ARHGEF4: variants seen among roughly 807,000 people sequenced by gnomAD.
ARHGEF4 encodes APC-stimulated guanine nucleotide exchange factor 1.
A neutral mutation model predicts 162.0 loss-of-function variants in ARHGEF4; 119 were observed. The observed-to-expected ratio is 0.73, with a 90% CI of 0.63 to 0.86. The LOEUF (loss-of-function observed/expected upper bound fraction) is 0.86, where lower values mean the gene tolerates loss of function less well. Among genes scored for constraint, ARHGEF4 ranks in the 40% least tolerant of loss-of-function variants. The probability of loss-of-function intolerance (pLI) is 0.00; values close to 1 mark genes in which losing one functional copy is unlikely to be tolerated. For missense variants in ARHGEF4, 2,488 were observed against 2,456.0 expected, an observed-to-expected ratio of 1.01 and a Z score of -0.28; for synonymous variants, 1,014 against 979.9, an observed-to-expected ratio of 1.03 and a Z score of -0.65.
intron 4 of ARHGEF4, among the ~76,000 whole-genome samples, chr2:130,976,090 C>G (rs1470227189): frequency 6.6e-6 from 1 of 152,146 alleles, no homozygotes; most frequent in African/African-American, 2.4e-5. Context: ...TGCCTCCAGT[C>G]TCTGTGAAAC....
intron 1 of ARHGEF4, among the ~76,000 whole-genome samples, chr2:130,889,811 C>CAACA (rs1679749355): frequency 1.5e-5 from 1 of 67,672 alleles, no homozygotes; most frequent in Non-Finnish European, 3.0e-5. Flanking sequence ...GACTCCGTCT[C>CAACA]AAAAAAAAAA....
chr2:130,976,157 G>A (rs1394881531), intron 4 of ARHGEF4, among the ~76,000 whole-genome samples: 1 of 152,126 alleles, frequency 6.6e-6, no homozygotes, highest in Non-Finnish European at 1.5e-5. Flanking sequence ...TGAAGAAGAA[G>A]CTCAGCCATG....
intron 1 of ARHGEF4, among the ~76,000 whole-genome samples, chr2:130,869,094 G>A (rs2104926586): frequency 6.6e-6 from 1 of 152,292 alleles, no homozygotes; most frequent in East Asian, 1.9e-4. Context: ...CAGACATCTT[G>A]GGGGTCCCTA....
intron 1 of ARHGEF4, among the ~76,000 whole-genome samples, chr2:130,866,930 C>T (rs1682320066): frequency 6.6e-6 from 1 of 152,186 alleles, no homozygotes; most frequent in East Asian, 1.9e-4. Context: ...GAAGAGACTG[C>T]AAATAAACGG....
chr2:131,027,463 G>A (rs1366009933), intron 4 of ARHGEF4, among the ~76,000 whole-genome samples: 1 of 152,134 alleles, frequency 6.6e-6, no homozygotes, highest in Non-Finnish European at 1.5e-5. Flanking sequence ...AGTTTCTGGT[G>A]TTTTTCTTAA....
chr2:130,909,283 G>A (rs1681028496), intron 1 of ARHGEF4, among the ~76,000 whole-genome samples: 1 of 152,222 alleles, frequency 6.6e-6, no homozygotes, highest in African/African-American at 2.4e-5. Context: ...CCATCAGCAG[G>A]TGAATAGATA....
Position 130,977,599 on chromosome 2 carries a change from A to G in ARHGEF4, c.3985+30964A>G, listed in dbSNP as rs572726206. ...CATGTATGTTGTGTATGTGTGGTGCATATGCGTTGCATATGTATGGTGTGT... is the reference window on the plus strand; with the variant it reads ...CATGTATGTTGTGTATGTGTGGTGCGTATGCGTTGCATATGTATGGTGTGT... On this transcript the variant is annotated intron_variant, in intron 4 of 13. Transcript: ENST00000409359. Among the ~76,000 whole-genome samples, 7 of 151,786 alleles carry G rather than the reference A, an allele frequency of 4.6e-5. No individual in the cohort carries two copies. The South Asian group carries it at 1.5e-3, about 32-fold the overall frequency.
Position 130,954,148 on chromosome 2 carries a change from C to T in ARHGEF4, c.3985+7513C>T, listed in dbSNP as rs13425480. Among the ~76,000 whole-genome samples the T allele has an allele frequency of 6.1e-3, 930 of 152,208 alleles. 8 individuals are homozygous for T. Among genetic ancestry groups the T allele is most frequent in the African/African-American group, 0.021 (890 of 41,526 alleles). ...GTTCACAATAGCAAAGACTTGGAAC[C>T]GACCCAAATGTCTGTCAGTAATAGA... is the stretch of plus-strand genomic sequence containing the variant. On this transcript the variant is annotated intron_variant, in intron 4 of 13. Coordinates refer to ENST00000409359, the MANE Select transcript of ARHGEF4 (RefSeq NM_001367493.1).
intron 4 of ARHGEF4, among the ~76,000 whole-genome samples, chr2:130,985,914 G>A (rs547991719): frequency 8.6e-5 from 13 of 151,922 alleles, no homozygotes; most frequent in East Asian, 5.8e-4. Context: ...AGTGATGTGC[G>A]TGCGTAGGGT....
rs574932967 is a variant in ARHGEF4 at position 131,037,178 on chromosome 2, C to T, written c.4126-1675C>T. On this transcript the variant is annotated intron_variant, in intron 5 of 13. Transcript: ENST00000409359. ...CTGCCGCGCTGTGAGGGTTCCTGGG[C>T]TCACAGGCTCATGTGTCACTCTGAG... Among the ~76,000 whole-genome samples the T allele has an allele frequency of 3.2e-4, 48 of 152,326 alleles. 1 individual carries two copies. In the South Asian group the frequency reaches 4.1e-3, roughly 13 times the overall value.
chr2:130,976,343 GTGTGTC>G (rs1226494191), intron 4 of ARHGEF4, among the ~76,000 whole-genome samples: 63 of 68,900 alleles, frequency 9.1e-4, no homozygotes, highest in Admixed American at 2.1e-3. Context: ...GTGTGTGTGT[GTGTGTC>G]TGTGTGTGTG....
Position 130,931,158 on chromosome 2 carries a change from T to C in ARHGEF4, c.3759T>C (p.Asp1253=). ...CTCACCGCTCGCCCGTCAGTGTGGA[T>C]GACCTGTGGCTGGAGAAGACACAGA... ...GIPHRSPVSV[D]DLWLEKTQRK... Residue 1253 remains aspartate, a synonymous_variant, in exon 3 of 14, where the codon GAT becomes GAC. Transcript: ENST00000409359. The C allele has an allele frequency of 6.2e-7, 1 of 1,614,138 alleles. No individual in the cohort carries two copies. The highest frequency in any genetic ancestry group is 2.2e-5 in the East Asian group (1 of 44,886).
At chr2:130,967,637 T>G (rs929814045) in intron 4 of ARHGEF4, among the ~76,000 whole-genome samples, 3 of 152,216 alleles carry the variant, frequency 2.0e-5, no homozygotes, top group Non-Finnish European at 4.4e-5. Flanking sequence ...ACCTGTTGTG[T>G]TCCAGGCACA....
At chr2:130,901,460 G>A (rs1202464293) in intron 1 of ARHGEF4, among the ~76,000 whole-genome samples, 11 of 151,952 alleles carry the variant, frequency 7.2e-5, no homozygotes, top group Admixed American at 1.3e-4. Context: ...GCATCCATTC[G>A]TCATAGGGCC....
At chr2:131,038,398 A>C (rs1238830894) in intron 5 of ARHGEF4, among the ~76,000 whole-genome samples, 2 of 140,888 alleles carry the variant, frequency 1.4e-5, no homozygotes, top group Non-Finnish European at 3.0e-5. Context: ...GCAGCCTTGC[A>C]GCCCTCAGCC....
At position 130,906,087 on chromosome 2, in the gene ARHGEF4, G is replaced by A. The variant is rs1056122446; in HGVS notation, c.40-7899G>A. Among the ~76,000 whole-genome samples the A allele has an allele frequency of 4.6e-5, 7 of 152,236 alleles. No individual in the cohort carries two copies. The South Asian group carries it at 1.5e-3, about 32-fold the overall frequency. ...TTCAGTTGGCTTCTGTGCCCTTCAG[G>A]AGCTCCCATCCTTATTTTTAATTCT... On this transcript the variant is annotated intron_variant, in intron 1 of 13. Transcript: ENST00000409359.
intron 4 of ARHGEF4, among the ~76,000 whole-genome samples, chr2:130,952,290 A>G (rs1224571645): frequency 6.6e-6 from 1 of 152,196 alleles, no homozygotes; most frequent in Non-Finnish European, 1.5e-5. Context: ...CTTTCTGCAT[A>G]AAGGATTCTT....
intron 1 of ARHGEF4, among the ~76,000 whole-genome samples, chr2:130,854,845 C>CTTTT (rs1559002475): frequency 1.9e-5 from 2 of 107,638 alleles, no homozygotes; most frequent in Admixed American, 9.6e-5. Flanking sequence ...AGGAGTCTGA[C>CTTTT]TTTTATTTAT....
intron 3 of ARHGEF4, among the ~76,000 whole-genome samples, chr2:130,944,146 G>A (rs1244683832): frequency 6.6e-6 from 1 of 152,152 alleles, no homozygotes; most frequent in African/African-American, 2.4e-5. Flanking sequence ...CTGCAGTCAT[G>A]CAAATGAATG....
Sources: gnomAD v4.1 joint callset for allele counts (sites outside exome capture counted in the v4.1 genomes callset) on GRCh38, gnomAD v4.1.1 for gene constraint, MANE v1.5 for transcripts, NCBI Gene and HGNC (gene_info 2026-07-23, HGNC 2026-07-21) for gene names.